ADAMDEC1: variants seen among roughly 807,000 people sequenced by gnomAD.
The protein encoded by ADAMDEC1 is ADAM DEC1.
In ADAMDEC1, 62 loss-of-function variants were observed where a neutral mutation model predicts 60.4. That is an observed-to-expected ratio of 1.03 (90% CI 0.84 to 1.27). The LOEUF (loss-of-function observed/expected upper bound fraction) is 1.27, where lower values mean the gene tolerates loss of function less well. Among genes scored for constraint, ADAMDEC1 ranks in the 50% most tolerant of loss-of-function variants. The probability of loss-of-function intolerance (pLI) is 0.00; values close to 1 mark genes in which losing one functional copy is unlikely to be tolerated. For synonymous variants in ADAMDEC1, 210 were observed against 195.1 expected (o/e 1.08, Z -0.64); for missense variants, 595 against 565.0 (o/e 1.05, Z -0.54).
chr8:24,389,876 C>A (rs528705479), intron 1 of ADAMDEC1, among the ~76,000 whole-genome samples: 1 of 152,270 alleles, frequency 6.6e-6, no homozygotes, highest in South Asian at 2.1e-4. Flanking sequence ...TAAAAGTGAT[C>A]ATCTTGATGT....
chr8:24,396,296 G>A (rs1480978053), intron 5 of ADAMDEC1, among the ~76,000 whole-genome samples: 2 of 152,138 alleles, frequency 1.3e-5, no homozygotes, highest in East Asian at 1.9e-4. Flanking sequence ...AGATCAGGAG[G>A]TCAGAAGATT....
At chr8:24,404,231 C>G in intron 13 of ADAMDEC1, 143 bp downstream of exon 13, 1 of 688,886 alleles carries the variant, frequency 1.5e-6, no homozygotes, top group East Asian at 2.7e-5. Context: ...GAGAGGAAAA[C>G]TAGCAATCAT....
chr8:24,384,893 GA>G (rs985142489), intron 1 of ADAMDEC1, among the ~76,000 whole-genome samples: 5 of 151,308 alleles, frequency 3.3e-5, no homozygotes, highest in African/African-American at 9.7e-5. Flanking sequence ...CAAAATAGAG[GA>G]AAAAAAAGCT....
At position 24,405,472 on chromosome 8, in the gene ADAMDEC1, C is replaced by T; in HGVS notation, c.*174C>T. 1 of 601,100 alleles carries T rather than the reference C, an allele frequency of 1.7e-6. No homozygotes were observed. Among genetic ancestry groups the T allele is most frequent in the Non-Finnish European group, 2.8e-6 (1 of 360,962 alleles). The allele number at this position is 601,100 out of a possible 1,614,324, so 37.2% of individuals were successfully genotyped here. On this transcript the variant is annotated 3_prime_UTR_variant, in exon 14 of 14. Coordinates refer to ENST00000256412, the MANE Select transcript of ADAMDEC1 (RefSeq NM_014479.3). ...AAACAGATGTAATTAGAGACATTGG[C>T]TCTTTGTTTAGGCCTAATCTTTCTT... is the stretch of plus-strand genomic sequence containing the variant.
At chr8:24,400,344 C>CT (rs201372881) in intron 11 of ADAMDEC1, 44 bp downstream of exon 11, 30,722 of 1,348,100 alleles carry the variant, frequency 0.023, 71 homozygotes, top group African/African-American at 0.062. Flanking sequence ...TTTTCCAAAT[C>CT]TTTTTTTTTT....
chr8:24,394,224 C>A, intron 4 of ADAMDEC1, 77 bp downstream of exon 4: 2 of 1,098,874 alleles, frequency 1.8e-6, no homozygotes, highest in Non-Finnish European at 2.7e-6. Context: ...CTAAGATCTC[C>A]AAAGGGCTCA....
intron 5 of ADAMDEC1, 134 bp downstream of exon 5, chr8:24,395,930 T>G: frequency 1.5e-6 from 1 of 660,898 alleles, no homozygotes. Context: ...GTGGTTAAAG[T>G]GAAGAACAAA....
chr8:24,395,693 A>G, intron 4 of ADAMDEC1, 27 bp from the exon 5 acceptor site: 2 of 1,495,224 alleles, frequency 1.3e-6, no homozygotes, highest in Non-Finnish European at 1.9e-6. Flanking sequence ...CACATTTCTG[A>G]AGCATAATTT....
chr8:24,384,418 C>A lies in ADAMDEC1; in HGVS notation c.-87C>A, dbSNP rs532766305. 5 of 1,122,202 alleles carry A rather than the reference C, an allele frequency of 4.5e-6. No homozygotes were observed. Among genetic ancestry groups the A allele is most frequent in the Non-Finnish European group, 5.0e-6 (4 of 800,374 alleles). The allele number at this position is 1,122,202 out of a possible 1,614,324, so 69.5% of individuals were successfully genotyped here. Reference sequence around the variant, plus strand: ...TTAAGAAACATTCCCCAATCTCACACGAAAAGTGGGGGTTTTAATTTTCTT... The same window carrying A: ...TTAAGAAACATTCCCCAATCTCACAAGAAAAGTGGGGGTTTTAATTTTCTT... On this transcript the variant is annotated 5_prime_UTR_variant, in exon 1 of 14. Coordinates refer to ENST00000256412, the MANE Select transcript of ADAMDEC1 (RefSeq NM_014479.3).
chr8:24,395,171 A>G (rs886920999), intron 4 of ADAMDEC1, among the ~76,000 whole-genome samples: 3 of 152,256 alleles, frequency 2.0e-5, no homozygotes, highest in Non-Finnish European at 2.9e-5. Context: ...AGACCAATTA[A>G]AACAGTGATT....
intron 5 of ADAMDEC1, 37 bp downstream of exon 5, chr8:24,395,833 G>T (rs933103943): frequency 6.6e-7 from 1 of 1,525,014 alleles, no homozygotes; most frequent in South Asian, 1.1e-5. Flanking sequence ...AGATCAAGAA[G>T]CTTTTTGTTA....
rs112146472 is a variant in ADAMDEC1, at chr8:24,404,727, C to T, written c.1407-565C>T. On this transcript the variant is annotated intron_variant, in intron 13 of 13. Transcript: ENST00000256412. ...GATACATTTTCTTTACTCCTCTTTC[C>T]CAATTCTTTTCTGGAATTGAAACTG... 2.2e-3 allele frequency among the ~76,000 whole-genome samples: 332 copies of T among 152,152 alleles called. 1 individual carries two copies. Among genetic ancestry groups the T allele is most frequent in the African/African-American group, 7.7e-3 (319 of 41,518 alleles).
chr8:24,399,020 C>A lies in ADAMDEC1; in HGVS notation c.909C>A (p.His303Gln), dbSNP rs777165062. ...GTTCTAACCTGGGGAAAAAGATCCA[C>A]GACCATGCTCAGCTTCTCAGGTGAG... The part of the protein sequence containing the change: ...WHSSNLGKKI[H>Q]DHAQLLSGIS... Residue 303 changes from histidine (H) to glutamine (Q), a missense_variant, in exon 9 of 14, where the codon CAC becomes CAA. Transcript: ENST00000256412. 4 of 1,612,996 alleles carry A rather than the reference C, an allele frequency of 2.5e-6. No individual in the cohort carries two copies. The Admixed American group carries it at 6.7e-5, about 27-fold the overall frequency.
At chr8:24,392,116 A>C (rs1243338072) in intron 1 of ADAMDEC1, 146 bp from the exon 2 acceptor site, 2 of 495,010 alleles carry the variant, frequency 4.0e-6, no homozygotes, top group East Asian at 3.3e-5. Context: ...AACGACAATT[A>C]ACTTGTTATT....
At position 24,404,089 on chromosome 8, in the gene ADAMDEC1, G is replaced by A. The variant is rs138068719; in HGVS notation, c.1406+1G>A. ...GAGGAGATGCTCCAAACCATACCAC[G>A]TAAGACCTTTTGTTTTCTTTGTTCC... On this transcript the variant is annotated splice_donor_variant, in intron 13 of 13. Transcript: ENST00000256412. LOFTEE classifies it high-confidence loss of function. 53 of 1,611,874 alleles carry A rather than the reference G, an allele frequency of 3.3e-5. No individual in the cohort carries two copies. Among genetic ancestry groups the A allele is most frequent in the African/African-American group, 2.3e-4 (17 of 74,968 alleles).
intron 4 of ADAMDEC1, 91 bp from the exon 5 acceptor site, chr8:24,395,629 C>G: frequency 1.2e-6 from 1 of 828,898 alleles, no homozygotes; most frequent in Non-Finnish European, 1.9e-6. Flanking sequence ...AACTGTGATA[C>G]ATGTATTCTC....
chr8:24,388,402 T>G (rs759552045), intron 1 of ADAMDEC1, among the ~76,000 whole-genome samples: 3 of 152,170 alleles, frequency 2.0e-5, no homozygotes, highest in African/African-American at 4.8e-5. Flanking sequence ...CCACCAAGAC[T>G]GCTCTTACGG....
rs773064273 is a variant in ADAMDEC1 at position 24,397,689 on chromosome 8, G to C, written c.634G>C (p.Asp212His). ...TCTTTTATTCTTTGTAAAGAAAGAAGACTTTCTTCGGGCACAGAAATACAT... is the reference window on the plus strand; with the variant it reads ...TCTTTTATTCTTTGTAAAGAAAGAACACTTTCTTCGGGCACAGAAATACAT... ...SRSLKSPEKE[D>H]FLRAQKYIDL... is the part of the protein sequence containing the mutation. The change falls in exon 7 of 14, where the codon GAC becomes CAC. Residue 212 changes from aspartate (D) to histidine (H), a missense_variant. Physicochemically the swap from Asp to His is moderately conservative, Grantham distance 81. Transcript: ENST00000256412. The C allele has an allele frequency of 2.5e-5, 41 of 1,611,940 alleles. No homozygotes were observed. Among genetic ancestry groups the C allele is most frequent in the Non-Finnish European group, 3.3e-5 (39 of 1,178,580 alleles).
chr8:24,385,317 C>T (rs549213399), intron 1 of ADAMDEC1, among the ~76,000 whole-genome samples: 7 of 152,298 alleles, frequency 4.6e-5, no homozygotes, highest in African/African-American at 1.4e-4. Context: ...AAAATTCCCA[C>T]TTGCCTAAAA....
Sources: allele counts gnomAD v4.1 joint callset (sites outside exome capture counted in the v4.1 genomes callset), GRCh38; gene constraint gnomAD v4.1.1; transcripts MANE v1.5; gene names NCBI Gene and HGNC (gene_info 2026-07-23, HGNC 2026-07-21).